The following TOM1L2 variants were observed in gnomAD, a reference collection of about 807,000 sequenced individuals.
The protein encoded by TOM1L2 is target of myb1 like 2 membrane trafficking protein.
In TOM1L2, 31 loss-of-function variants were observed where a neutral mutation model predicts 67.9. The observed-to-expected ratio is 0.46, with a 90% CI of 0.34 to 0.62. TOM1L2 has a LOEUF of 0.62. Among genes scored for constraint, TOM1L2 ranks in the 20% least tolerant of loss-of-function variants. The pLI is 0.01. For missense variants in TOM1L2, 606 were observed against 663.5 expected, an observed-to-expected ratio of 0.91 and a Z score of 0.95; for synonymous variants, 256 against 254.0, an observed-to-expected ratio of 1.01 and a Z score of -0.07.
chr17:17,958,467 T>C (rs906179848), intron 1 of TOM1L2, among the ~76,000 whole-genome samples: 1 of 152,206 alleles, frequency 6.6e-6, no homozygotes, highest in Non-Finnish European at 1.5e-5. Flanking sequence ...GGAGACTAAC[T>C]TTCAAACAAT....
chr17:17,934,458 CA>C (rs1160254285), intron 1 of TOM1L2, among the ~76,000 whole-genome samples: 1 of 151,954 alleles, frequency 6.6e-6, no homozygotes, highest in Non-Finnish European at 1.5e-5. Flanking sequence ...AAAAACCACA[CA>C]AAAAAACAGT....
chr17:17,946,084 A>AT, intron 1 of TOM1L2, among the ~76,000 whole-genome samples: 1 of 151,852 alleles, frequency 6.6e-6, no homozygotes, highest in African/African-American at 2.4e-5. Flanking sequence ...CATGTTGGAG[A>AT]CCAGGCTGGT....
intron 1 of TOM1L2, among the ~76,000 whole-genome samples, chr17:17,970,716 T>G (rs1038200782): frequency 7.2e-5 from 11 of 152,168 alleles, no homozygotes; most frequent in African/African-American, 2.7e-4. Context: ...TCCTAAATGC[T>G]AATTAGCCAA....
intron 13 of TOM1L2, 108 bp downstream of exon 13, chr17:17,850,785 T>C (rs2035924925): frequency 1.6e-6 from 2 of 1,226,842 alleles, no homozygotes. Context: ...CCTTCTCCAC[T>C]GACCCAGACA....
intron 6 of TOM1L2, 92 bp from the exon 7 acceptor site, chr17:17,879,835 C>A: frequency 9.3e-7 from 1 of 1,077,068 alleles, no homozygotes; most frequent in Non-Finnish European, 1.4e-6. Context: ...AGTCTAGTGA[C>A]AATCCTTCTC....
At chr17:17,869,602 CAT>C in intron 7 of TOM1L2, 129 bp from the exon 8 acceptor site, 10 of 1,415,314 alleles carry the variant, frequency 7.1e-6, no homozygotes, top group Non-Finnish European at 9.2e-6. Context: ...TAAAACCAGA[CAT>C]GTGCCGAATT....
At chr17:17,915,397 G>A (rs1473426217) in intron 1 of TOM1L2, among the ~76,000 whole-genome samples, 1 of 152,028 alleles carries the variant, frequency 6.6e-6, no homozygotes, top group East Asian at 1.9e-4. Context: ...ATCCCAGTGT[G>A]GTTTTGTTTT....
intron 12 of TOM1L2, among the ~76,000 whole-genome samples, chr17:17,852,970 C>T (rs1230303054): frequency 1.3e-5 from 2 of 151,290 alleles, no homozygotes; most frequent in Non-Finnish European, 2.9e-5. Flanking sequence ...TGGGTCCTCA[C>T]TGGGGGGATG....
chr17:17,893,144 G>A (rs75942072), intron 4 of TOM1L2, among the ~76,000 whole-genome samples: 5 of 152,178 alleles, frequency 3.3e-5, no homozygotes, highest in East Asian at 3.8e-4. Flanking sequence ...TCTTTGATGC[G>A]TCTGGGCCTT....
chr17:17,899,257 C>T (rs1014513230), intron 2 of TOM1L2, among the ~76,000 whole-genome samples: 3 of 152,106 alleles, frequency 2.0e-5, no homozygotes, highest in South Asian at 2.1e-4. Flanking sequence ...AGAGAGCGTG[C>T]CAGGTCCTTG....
At position 17,893,693 on chromosome 17, in the gene TOM1L2, T is replaced by C. The variant is rs767575657; in HGVS notation, c.334A>G (p.Ile112Val). The change falls in exon 4 of 15, where the codon ATT (isoleucine) becomes GTT (valine). Residue 112 changes from isoleucine (I) to valine (V), a missense_variant. Coordinates refer to ENST00000379504, the MANE Select transcript of TOM1L2 (RefSeq NM_001082968.2). ...IISPKNNPPT[I>V]VQDKVLALIQ... ...AGAGCAAGCACTTTGTCCTGTACAA[T>C]GGTGGGAGGGTTGTTCTTGGGAGAT... The C allele has an allele frequency of 4.3e-6, 7 of 1,614,004 alleles. No individual in the cohort carries two copies. Among genetic ancestry groups the C allele is most frequent in the Non-Finnish European group, 4.2e-6 (5 of 1,180,022 alleles).
intron 1 of TOM1L2, among the ~76,000 whole-genome samples, chr17:17,961,906 G>T (rs953396226): frequency 1.3e-5 from 2 of 150,992 alleles, no homozygotes; most frequent in African/African-American, 4.9e-5. Context: ...GACATGAATA[G>T]ATATTTGTAC....
chr17:17,916,333 A>G (rs2039628863), intron 1 of TOM1L2, among the ~76,000 whole-genome samples: 1 of 152,124 alleles, frequency 6.6e-6, no homozygotes, highest in Non-Finnish European at 1.5e-5. Context: ...TTGGCCTCCC[A>G]AAGTGCTGGG....
At chr17:17,912,420 C>A (rs1471962637) in intron 1 of TOM1L2, among the ~76,000 whole-genome samples, 1 of 151,682 alleles carries the variant, frequency 6.6e-6, no homozygotes, top group Non-Finnish European at 1.5e-5. Flanking sequence ...GGGCTCCTCA[C>A]TTCTCAGACG....
chr17:17,848,810 G>A lies in TOM1L2; in HGVS notation c.1375+13C>T. 1 of 1,613,978 alleles carries A rather than the reference G, an allele frequency of 6.2e-7. No individual in the cohort carries two copies. The highest frequency in any genetic ancestry group is 8.5e-7 in the Non-Finnish European group (1 of 1,179,948). ...AACAAAAGGGGGCTGTAAGGCCACT[G>A]GCCAGGCCATACCTTCACTTGTGAC... On this transcript the variant is annotated intron_variant, in intron 14 of 14. Coordinates refer to ENST00000379504, the MANE Select transcript of TOM1L2 (RefSeq NM_001082968.2).
intron 1 of TOM1L2, among the ~76,000 whole-genome samples, chr17:17,942,611 G>A (rs1449566501): frequency 1.3e-5 from 2 of 152,060 alleles, no homozygotes; most frequent in Non-Finnish European, 2.9e-5. Flanking sequence ...GAGGTATTAT[G>A]TCCCCCATTT....
intron 1 of TOM1L2, among the ~76,000 whole-genome samples, chr17:17,954,602 C>T (rs981405582): frequency 1.3e-5 from 2 of 152,132 alleles, no homozygotes; most frequent in African/African-American, 4.8e-5. Context: ...TGTGAGCCAC[C>T]GCGCCTGGCC....
chr17:17,907,717 G>A (rs1173066916), intron 1 of TOM1L2, among the ~76,000 whole-genome samples, 186 bp from the exon 2 acceptor site: 1 of 152,158 alleles, frequency 6.6e-6, no homozygotes, highest in Non-Finnish European at 1.5e-5. Context: ...GAGGGCTGAT[G>A]TTATAACGAG....
intron 1 of TOM1L2, among the ~76,000 whole-genome samples, chr17:17,956,717 C>T (rs971824998): frequency 2.6e-5 from 4 of 152,338 alleles, no homozygotes; most frequent in East Asian, 1.9e-4. Flanking sequence ...GCACACCCTC[C>T]GCAGCTGCTG....
Sources: gnomAD v4.1 joint callset for allele counts (sites outside exome capture counted in the v4.1 genomes callset) on GRCh38, gnomAD v4.1.1 for gene constraint, MANE v1.5 for transcripts, NCBI Gene and HGNC (gene_info 2026-07-23, HGNC 2026-07-21) for gene names.